The following MSH6 variants were observed in gnomAD, a reference collection of about 807,000 sequenced individuals.
MSH6 encodes the protein mutS homolog 6.
Under a neutral mutation model 119.1 loss-of-function variants are expected in MSH6, and 85 were observed. The observed-to-expected ratio is 0.71, with a 90% CI of 0.60 to 0.85. MSH6 has a LOEUF of 0.85. Ranked by LOEUF, MSH6 falls within the 40% of genes least tolerant of loss-of-function variation. The pLI is 0.00. For missense variants in MSH6, 2,163 were observed against 1,655.3 expected (o/e 1.31, Z -5.32); for synonymous variants, 830 against 586.9 (o/e 1.41, Z -5.99).
chr2:47,807,549 G>A (rs561962677), downstream of MSH6: 127 of 213,462 alleles, frequency 5.9e-4, no homozygotes, highest in African/African-American at 2.6e-3. Context: ...GTTACAGCAA[G>A]TCTAGGTGTG....
At chr2:47,784,260 C>G in intron 1 of MSH6, 1 of 993,658 alleles carries the variant, frequency 1.0e-6, no homozygotes, top group Non-Finnish European at 1.2e-6. Flanking sequence ...GCACGTGCAC[C>G]GAGACGAAGA....
intron 5 of MSH6, among the ~76,000 whole-genome samples, 189 bp from the exon 6 acceptor site, chr2:47,804,721 G>A (rs1669850239): frequency 1.3e-5 from 2 of 152,188 alleles, no homozygotes; most frequent in Non-Finnish European, 2.9e-5. Context: ...GAGGCCCTAT[G>A]CCTCTTGTCT....
At chr2:47,807,046 G>C, downstream of MSH6, 2 of 603,328 alleles carry the variant, frequency 3.3e-6, no homozygotes, top group East Asian at 5.7e-5. Context: ...AATATATTAA[G>C]TCTAGATGTT....
chr2:47,806,883 A>G lies in MSH6; in HGVS notation c.*23A>G, dbSNP rs200412142. ...TAGACTGACTACATTGGAAGCTTTG[A>G]GTTGACTTCTGACAAAGGTGGTAAA... On this transcript the variant is annotated 3_prime_UTR_variant, in exon 10 of 10. Transcript: ENST00000234420. The G allele has an allele frequency of 2.4e-5, 37 of 1,550,108 alleles. No individual in the cohort carries two copies. Among genetic ancestry groups the G allele is most frequent in the Non-Finnish European group, 2.9e-5 (33 of 1,122,578 alleles).
intron 1 of MSH6, among the ~76,000 whole-genome samples, chr2:47,790,670 A>G (rs1245835934): frequency 3.9e-5 from 6 of 151,998 alleles, no homozygotes; most frequent in African/African-American, 7.2e-5. Context: ...ATGGTTTTTA[A>G]ACTTTGATTC....
chr2:47,795,391 TGAGTC>T (rs1272591705), intron 2 of MSH6, among the ~76,000 whole-genome samples: 3 of 150,608 alleles, frequency 2.0e-5, no homozygotes, highest in Non-Finnish European at 3.0e-5. Context: ...TGTTGTAGGT[TGAGTC>T]AAGTGTCCAG....
Position 47,806,567 on chromosome 2 carries a change from C to CTAATCTCCCAGAGGAAGTTATTCAA in MSH6, c.3918_3942dup (p.Lys1315Ter). ...TATGGCTTTAATGCAGCAAGGCTTG[C>CTAATCTCCCAGAGGAAGTTATTCAA]TAATCTCCCAGAGGAAGTTATTCAA... is the stretch of plus-strand genomic sequence containing the variant. On this transcript the variant is annotated frameshift_variant, in exon 9 of 10. Coordinates refer to ENST00000234420, the MANE Select transcript of MSH6 (RefSeq NM_000179.3). LOFTEE classifies it high-confidence loss of function. The CTAATCTCCCAGAGGAAGTTATTCAA allele has an allele frequency of 6.2e-7, 1 of 1,613,688 alleles. No homozygotes were observed. The highest frequency in any genetic ancestry group is 8.5e-7 in the Non-Finnish European group (1 of 1,179,842).
intron 1 of MSH6, chr2:47,783,764 G>C (rs903546823): frequency 4.7e-6 from 2 of 426,444 alleles, no homozygotes; most frequent in African/African-American, 2.1e-5. Context: ...GGAGGGAGGA[G>C]ACGCGTCCCG....
rs928114743 is a variant in MSH6, at chr2:47,784,049, G to C, written c.260+556G>C. 5 of 1,015,404 alleles carry C rather than the reference G, an allele frequency of 4.9e-6. No individual in the cohort carries two copies. In the South Asian group the frequency reaches 2.3e-4, roughly 47 times the overall value. 62.9% of individuals were successfully genotyped at this position (1,015,404 alleles called of 1,614,324 possible). On this transcript the variant is annotated intron_variant, in intron 1 of 9. Transcript: ENST00000234420. ...TAGTCGATCGAGGTAGACACTTAGA[G>C]GTAGTTAAGAGCCGCGGTCGCCGAG...
intron 3 of MSH6, among the ~76,000 whole-genome samples, chr2:47,796,517 C>T (rs1669106175): frequency 6.6e-6 from 1 of 152,194 alleles, no homozygotes; most frequent in African/African-American, 2.4e-5. Flanking sequence ...GTTGGGATTA[C>T]AGGCATGAGC....
chr2:47,803,011 A>T, intron 4 of MSH6, among the ~76,000 whole-genome samples: 1 of 152,228 alleles, frequency 6.6e-6, no homozygotes, highest in East Asian at 1.9e-4. Flanking sequence ...TCCCAGGTTC[A>T]AGTGATTCTC....
intron 1 of MSH6, chr2:47,784,330 A>G (rs887316450): frequency 1.2e-6 from 1 of 849,112 alleles, no homozygotes; most frequent in African/African-American, 1.8e-5. Flanking sequence ...ATTTTATGAA[A>G]TAGTGTAATT....
rs2104429543 is a variant in MSH6 at position 47,800,883 on chromosome 2, T to C, written c.2900T>C (p.Ile967Thr). ...CGCAACAGAATTGGCTGTAGGACCA[T>C]AGTCTATTGGGGGATTGGTAGGAAC... is the stretch of plus-strand genomic sequence containing the variant. Reference protein sequence around the residue: ...KQRNRIGCRTIVYWGIGRNRY... With the variant: ...KQRNRIGCRTTVYWGIGRNRY... The change falls in exon 4 of 10, where the codon ATA (isoleucine) becomes ACA (threonine). Residue 967 changes from isoleucine (I) to threonine (T), a missense_variant. Ile to Thr is a moderately conservative substitution (Grantham distance 89, BLOSUM62 -1). Transcript: ENST00000234420. The C allele has an allele frequency of 1.9e-6, 3 of 1,611,782 alleles. No homozygotes were observed. Among genetic ancestry groups the C allele is most frequent in the Non-Finnish European group, 2.5e-6 (3 of 1,179,146 alleles).
At chr2:47,803,134 T>C (rs556065177) in intron 4 of MSH6, among the ~76,000 whole-genome samples, 1 of 152,260 alleles carries the variant, frequency 6.6e-6, no homozygotes, top group Non-Finnish European at 1.5e-5. Context: ...GTCAGGCTGG[T>C]CCTGAACTGC....
rs876660943 is a variant in MSH6 at position 47,806,359 on chromosome 2, G to C, written c.3801+1G>C. 6.2e-7 allele frequency: 1 copy of C among 1,614,092 alleles called. No homozygotes were observed. Among genetic ancestry groups the C allele is most frequent in the Non-Finnish European group, 8.5e-7 (1 of 1,179,990 alleles). ...TGTTGCTGTGCGCCTAGGACATATGGTATGTGCAAATTGTTTTTTTCCACA... is the reference window on the plus strand; with the variant it reads ...TGTTGCTGTGCGCCTAGGACATATGCTATGTGCAAATTGTTTTTTTCCACA... On this transcript the variant is annotated splice_donor_variant, in intron 8 of 9. Transcript: ENST00000234420. LOFTEE classifies it high-confidence loss of function.
At chr2:47,808,017 G>C, downstream of MSH6, 2 of 1,077,238 alleles carry the variant, frequency 1.9e-6, no homozygotes, top group African/African-American at 1.6e-5. Context: ...TTTTAATACA[G>C]TCTCTTCCTG....
intron 1 of MSH6, 110 bp from the exon 2 acceptor site, chr2:47,790,817 G>T (rs1668676367): frequency 1.0e-6 from 1 of 952,888 alleles, no homozygotes. Flanking sequence ...TAGAATTTCT[G>T]TGCTTCAATA....
In MSH6 at chr2:47,800,708, T is replaced by C. The variant is rs876659785; in HGVS notation, c.2725T>C (p.Leu909=). 10 of 1,614,048 alleles carry C rather than the reference T, an allele frequency of 6.2e-6. No homozygotes were observed. The highest frequency in any genetic ancestry group is 8.5e-6 in the Non-Finnish European group (10 of 1,180,036). The change falls in exon 4 of 10, where the codon TTG becomes CTG. Residue 909 remains leucine (L), a synonymous_variant. Coordinates refer to ENST00000234420, the MANE Select transcript of MSH6 (RefSeq NM_000179.3). ...EGRFPDLTVE[L]NRWDTAFDHE... ...TCGTTTTCCTGATTTGACTGTAGAA[T>C]TGAACCGATGGGATACAGCCTTTGA...
At chr2:47,792,851 T>G (rs1572711659) in intron 2 of MSH6, among the ~76,000 whole-genome samples, 1 of 137,110 alleles carries the variant, frequency 7.3e-6, no homozygotes, top group African/African-American at 3.3e-5. Flanking sequence ...ATATAGTTTT[T>G]TTTTTTTTTT....
Sources: gnomAD v4.1 joint callset for allele counts (sites outside exome capture counted in the v4.1 genomes callset) on GRCh38, gnomAD v4.1.1 for gene constraint, MANE v1.5 for transcripts, NCBI Gene and HGNC (gene_info 2026-07-23, HGNC 2026-07-21) for gene names.